Variants in CALN1 observed in about 807,000 individuals in gnomAD.
The protein encoded by CALN1 is calcium-binding protein 8.
In CALN1, 17 loss-of-function variants were observed where a neutral mutation model predicts 30.6. That is an observed-to-expected ratio of 0.56 (90% confidence interval 0.38 to 0.83). The LOEUF (loss-of-function observed/expected upper bound fraction) is 0.83. Among genes scored for constraint, CALN1 ranks in the 40% least tolerant of loss-of-function variants. CALN1 has a pLI of 0.00. For synonymous variants in CALN1, 156 were observed against 131.4 expected, an observed-to-expected ratio of 1.19 and a Z score of -1.28; for missense variants, 291 against 354.9, an observed-to-expected ratio of 0.82 and a Z score of 1.45.
chr7:72,193,807 CA>C (rs1474849930), intron 3 of CALN1, among the ~76,000 whole-genome samples: 3 of 152,194 alleles, frequency 2.0e-5, no homozygotes. Context: ...GTGGCATTCG[CA>C]GCAACCTGGA....
intron 3 of CALN1, among the ~76,000 whole-genome samples, chr7:72,274,902 T>G (rs1473754405): frequency 6.6e-6 from 1 of 152,086 alleles, no homozygotes; most frequent in African/African-American, 2.4e-5. Context: ...CCTCCTGAGC[T>G]TTGTGTAAAG....
intron 3 of CALN1, among the ~76,000 whole-genome samples, chr7:72,117,223 G>A (rs1808048389): frequency 6.6e-6 from 1 of 152,150 alleles, no homozygotes; most frequent in Non-Finnish European, 1.5e-5. Context: ...AGGCTGAGAT[G>A]GGAGGATTGC....
intron 3 of CALN1, among the ~76,000 whole-genome samples, chr7:72,171,644 A>C (rs1788972301): frequency 2.0e-5 from 3 of 152,196 alleles, no homozygotes; most frequent in Admixed American, 2.0e-4. Context: ...TCCAGGACTA[A>C]CATGTGAAGT....
At chr7:72,358,495 G>A (rs954671576) in intron 2 of CALN1, among the ~76,000 whole-genome samples, 4 of 150,144 alleles carry the variant, frequency 2.7e-5, no homozygotes, top group African/African-American at 1.0e-4. Flanking sequence ...ATCACTCCCT[G>A]TGGCTGGCCA....
At chr7:72,274,413 CAGG>C (rs1359825709) in intron 3 of CALN1, among the ~76,000 whole-genome samples, 1 of 150,636 alleles carries the variant, frequency 6.6e-6, no homozygotes, top group African/African-American at 2.4e-5. Context: ...GAGGCTGAGG[CAGG>C]AGAATAGCTT....
intron 5 of CALN1, among the ~76,000 whole-genome samples, chr7:71,916,611 C>G (rs923025077): frequency 1.3e-5 from 2 of 151,946 alleles, no homozygotes; most frequent in Non-Finnish European, 2.9e-5. Context: ...TAAGTGGGAG[C>G]TGAATAATAA....
intron 3 of CALN1, among the ~76,000 whole-genome samples, chr7:72,234,874 A>G (rs1232511): frequency 0.01 from 1,532 of 152,296 alleles, 26 homozygotes; most frequent in African/African-American, 0.035. Context: ...GGTGGAAAGC[A>G]ATGGAAGAGA....
intron 1 of CALN1, among the ~76,000 whole-genome samples, chr7:72,434,033 C>T: frequency 6.6e-6 from 1 of 151,456 alleles, no homozygotes; most frequent in Admixed American, 6.6e-5. Context: ...GCTCTCCAGC[C>T]TGGGTGAAAA....
intron 2 of CALN1, among the ~76,000 whole-genome samples, chr7:72,331,279 G>A (rs1444104298): frequency 1.3e-5 from 2 of 152,026 alleles, no homozygotes; most frequent in Non-Finnish European, 2.9e-5. Context: ...GAACCCAGGA[G>A]GCAGAAGTTG....
At chr7:72,377,436 C>CGTGTGTGT (rs138060244) in intron 2 of CALN1, among the ~76,000 whole-genome samples, 10,390 of 142,256 alleles carry the variant, frequency 0.073, 435 homozygotes, top group East Asian at 0.11. Flanking sequence ...GCCACACTTT[C>CGTGTGTGT]GTGTGTGTGT....
chr7:72,400,307 G>A (rs1806252036), intron 2 of CALN1, among the ~76,000 whole-genome samples: 1 of 152,114 alleles, frequency 6.6e-6, no homozygotes, highest in Non-Finnish European at 1.5e-5. Flanking sequence ...TTTCCCAGGG[G>A]ATTTGGAATT....
chr7:72,353,437 A>G (rs971674967), intron 2 of CALN1, among the ~76,000 whole-genome samples: 7 of 152,214 alleles, frequency 4.6e-5, no homozygotes, highest in Non-Finnish European at 7.3e-5. Context: ...ATTCTAAAAG[A>G]TGAATCAATT....
intron 3 of CALN1, among the ~76,000 whole-genome samples, chr7:72,261,739 C>T (rs1039829786): frequency 2.0e-5 from 3 of 152,170 alleles, no homozygotes; most frequent in East Asian, 1.9e-4. Flanking sequence ...ATTTTAGCAG[C>T]TTTACAGGAA....
intron 6 of CALN1, among the ~76,000 whole-genome samples, chr7:71,790,023 G>C (rs1793227811): frequency 6.6e-6 from 1 of 151,892 alleles, no homozygotes; most frequent in Admixed American, 6.6e-5. Flanking sequence ...AGGATCGCTT[G>C]AGCCCAAGAG....
At chr7:72,213,508 T>C (rs1792558259) in intron 3 of CALN1, among the ~76,000 whole-genome samples, 1 of 152,232 alleles carries the variant, frequency 6.6e-6, no homozygotes, top group Non-Finnish European at 1.5e-5. Context: ...TCTACTCAAA[T>C]TGGATTTCGG....
chr7:72,034,637 A>T (rs1367886090), intron 4 of CALN1, among the ~76,000 whole-genome samples: 14 of 151,622 alleles, frequency 9.2e-5, no homozygotes, highest in Admixed American at 9.2e-4. Context: ...AAAACACAAA[A>T]ATTAGCCAGG....
intron 5 of CALN1, among the ~76,000 whole-genome samples, chr7:71,994,471 C>T (rs1011388121): frequency 3.5e-5 from 5 of 143,166 alleles, no homozygotes; most frequent in Non-Finnish European, 6.0e-5. Flanking sequence ...GAGATCGTGC[C>T]ACTGCACTCC....
chr7:71,836,252 G>C (rs1443457677), intron 5 of CALN1, among the ~76,000 whole-genome samples: 2 of 152,156 alleles, frequency 1.3e-5, no homozygotes, highest in African/African-American at 4.8e-5. Flanking sequence ...TTTGGGGGTG[G>C]CTGCAACCTC....
chr7:71,873,770 T>G (rs2116756518), intron 5 of CALN1, among the ~76,000 whole-genome samples: 1 of 152,358 alleles, frequency 6.6e-6, no homozygotes, highest in Non-Finnish European at 1.5e-5. Context: ...GTTTACTTTC[T>G]GAAGACTTGA....
Sources: allele counts gnomAD v4.1 joint callset (sites outside exome capture counted in the v4.1 genomes callset), GRCh38; gene constraint gnomAD v4.1.1; transcripts MANE v1.5; gene names NCBI Gene and HGNC (gene_info 2026-07-23, HGNC 2026-07-21).